Variants in UNC5D observed in about 807,000 individuals in gnomAD.
UNC5D encodes unc-5 netrin receptor D, also known as netrin receptor UNC5D.
UNC5D carries 39 observed loss-of-function variants against 105.4 expected under a neutral mutation model. The observed-to-expected ratio is 0.37, with a 90% CI of 0.29 to 0.48. The LOEUF (loss-of-function observed/expected upper bound fraction) is 0.48. UNC5D is among the 20% of genes least tolerant of loss of function. The pLI is 0.98. For missense variants in UNC5D, 991 were observed against 1,202.4 expected (o/e 0.82, Z 2.60); for synonymous variants, 452 against 450.4 (o/e 1.00, Z -0.04).
At chr8:35,254,660 T>G (rs1344312461) in intron 1 of UNC5D, 1 of 152,230 alleles carries the variant, frequency 6.6e-6, no homozygotes, top group Admixed American at 6.5e-5. Flanking sequence ...TGCTTTCATG[T>G]GCTACTGTCC....
At chr8:35,433,015 T>C (rs559020349) in intron 1 of UNC5D, among the ~76,000 whole-genome samples, 1 of 152,304 alleles carries the variant, frequency 6.6e-6, no homozygotes, top group South Asian at 2.1e-4. Context: ...CATAATTATA[T>C]CCTTAATAAC....
At chr8:35,425,321 G>C (rs1199005715) in intron 1 of UNC5D, among the ~76,000 whole-genome samples, 1 of 152,202 alleles carries the variant, frequency 6.6e-6, no homozygotes, top group Non-Finnish European at 1.5e-5. Flanking sequence ...AACCAAGTCA[G>C]TAAAAAGGCA....
chr8:35,614,000 T>C (rs1327294654), intron 4 of UNC5D, among the ~76,000 whole-genome samples: 1 of 152,238 alleles, frequency 6.6e-6, no homozygotes, highest in East Asian at 1.9e-4. Context: ...TCTTTCTTTG[T>C]CTGTAGAATA....
chr8:35,320,147 A>C (rs1422911888), intron 1 of UNC5D, among the ~76,000 whole-genome samples: 1 of 152,114 alleles, frequency 6.6e-6, no homozygotes, highest in Non-Finnish European at 1.5e-5. Context: ...GACATAAGAC[A>C]TCAATCAGTA....
chr8:35,737,174 A>G (rs1829511792), intron 11 of UNC5D, among the ~76,000 whole-genome samples: 1 of 151,886 alleles, frequency 6.6e-6, no homozygotes, highest in Non-Finnish European at 1.5e-5. Context: ...ATGTTTCTAA[A>G]TCCATTCTCT....
intron 1 of UNC5D, among the ~76,000 whole-genome samples, 157 bp downstream of exon 1, chr8:35,236,044 G>A (rs770696122): frequency 4.8e-4 from 73 of 152,324 alleles, no homozygotes; most frequent in Admixed American, 1.2e-3. Context: ...GGACTCCGAG[G>A]GGACCACAGC....
At chr8:35,263,712 A>G (rs1804643940) in intron 1 of UNC5D, among the ~76,000 whole-genome samples, 1 of 152,276 alleles carries the variant, frequency 6.6e-6, no homozygotes, top group South Asian at 2.1e-4. Flanking sequence ...AGATGACAGA[A>G]TACAAACTGA....
At chr8:35,694,369 A>G (rs1421884989) in intron 7 of UNC5D, among the ~76,000 whole-genome samples, 1 of 152,176 alleles carries the variant, frequency 6.6e-6, no homozygotes, top group Non-Finnish European at 1.5e-5. Context: ...TGAGGTACTC[A>G]AAATGGACAG....
rs1803099094 is a variant in UNC5D at position 35,792,750 on chromosome 8, G to T, written c.*2187G>T. 9 of 284,972 alleles carry T rather than the reference G, an allele frequency of 3.2e-5. No individual in the cohort carries two copies. Among genetic ancestry groups the T allele is most frequent in the South Asian group, 2.9e-4 (9 of 30,972 alleles). 17.7% of individuals were successfully genotyped at this position (284,972 alleles called of 1,614,324 possible). Reference sequence around the variant, plus strand: ...TCTTGGAGGATTTTTGTTTTAAACTGTCTTTAGCATTTTCCCTCTTCCCTT... The same window carrying T: ...TCTTGGAGGATTTTTGTTTTAAACTTTCTTTAGCATTTTCCCTCTTCCCTT... On this transcript the variant is annotated 3_prime_UTR_variant, in exon 17 of 17. Transcript: ENST00000404895.
intron 1 of UNC5D, among the ~76,000 whole-genome samples, chr8:35,360,712 G>A (rs1235778148): frequency 6.6e-6 from 1 of 152,136 alleles, no homozygotes; most frequent in Non-Finnish European, 1.5e-5. Flanking sequence ...ACATATTTTA[G>A]GAGTCTGGGA....
intron 4 of UNC5D, among the ~76,000 whole-genome samples, chr8:35,651,663 C>T (rs1246217994): frequency 6.6e-6 from 1 of 152,162 alleles, no homozygotes; most frequent in Non-Finnish European, 1.5e-5. Context: ...TGAAATGATT[C>T]CTTCACTTCT....
chr8:35,372,568 A>C (rs1424182959), intron 1 of UNC5D, among the ~76,000 whole-genome samples: 1 of 152,136 alleles, frequency 6.6e-6, no homozygotes, highest in Non-Finnish European at 1.5e-5. Flanking sequence ...ATAAGCTTTC[A>C]ATTTCATAAT....
chr8:35,691,184 T>G lies in UNC5D; in HGVS notation c.1084+4475T>G, dbSNP rs185899703. Reference sequence around the variant, plus strand: ...CACAGATGGCCACACCTAGATGCTCTCAACAAGAAAATAAATACGGCTGGC... The same window carrying G: ...CACAGATGGCCACACCTAGATGCTCGCAACAAGAAAATAAATACGGCTGGC... On this transcript the variant is annotated intron_variant, in intron 7 of 16. Transcript: ENST00000404895. Among the ~76,000 whole-genome samples the G allele has an allele frequency of 1.0e-3, 152 of 152,226 alleles. 1 individual carries two copies. Among genetic ancestry groups the G allele is most frequent in the East Asian group, 6.0e-3 (31 of 5,176 alleles).
chr8:35,609,214 A>G (rs1480775542), intron 4 of UNC5D, among the ~76,000 whole-genome samples: 1 of 152,152 alleles, frequency 6.6e-6, no homozygotes, highest in African/African-American at 2.4e-5. Context: ...TTCTTTTGAA[A>G]CATGTATATT....
intron 16 of UNC5D, among the ~76,000 whole-genome samples, chr8:35,785,560 C>T (rs2131795060): frequency 6.6e-6 from 1 of 152,156 alleles, no homozygotes; most frequent in East Asian, 1.9e-4. Flanking sequence ...GGGGTTTCAC[C>T]ATGTTGGCCA....
chr8:35,271,391 A>ACG lies in UNC5D; in HGVS notation c.103+35504_103+35505insCG, dbSNP rs1323253165. On this transcript the variant is annotated intron_variant, in intron 1 of 16. Coordinates refer to ENST00000404895, the MANE Select transcript of UNC5D (RefSeq NM_080872.4). ...CACGTGTGTATGTATATGTACACAC[A>ACG]TGCACGTGTGTATGTATATGTATAC... 2.8e-4 allele frequency among the ~76,000 whole-genome samples: 26 copies of ACG among 94,002 alleles called. No homozygotes were observed. In the East Asian group the frequency reaches 3.3e-3, roughly 12 times the overall value. 61.7% of individuals were successfully genotyped at this position (94,002 alleles called of 152,430 possible). A position where few individuals can be genotyped will look rare whatever the true frequency, so the allele number is the denominator to read the frequency against.
chr8:35,390,780 CA>C (rs1803720230), intron 1 of UNC5D, among the ~76,000 whole-genome samples: 2 of 152,166 alleles, frequency 1.3e-5, no homozygotes, highest in South Asian at 4.1e-4. Flanking sequence ...AACCCAGTTC[CA>C]ACTGACATGT....
At chr8:35,467,176 T>G (rs764871189) in intron 1 of UNC5D, among the ~76,000 whole-genome samples, 1 of 152,198 alleles carries the variant, frequency 6.6e-6, no homozygotes, top group Non-Finnish European at 1.5e-5. Context: ...CAGTTTTTTC[T>G]TAAGACGAAT....
At chr8:35,723,035 A>G (rs1828666130) in intron 9 of UNC5D, among the ~76,000 whole-genome samples, 1 of 152,104 alleles carries the variant, frequency 6.6e-6, no homozygotes, top group African/African-American at 2.4e-5. Flanking sequence ...TAGGAACCAA[A>G]TCTATTCCTT....
Sources: allele counts gnomAD v4.1 joint callset (sites outside exome capture counted in the v4.1 genomes callset), GRCh38; gene constraint gnomAD v4.1.1; transcripts MANE v1.5; gene names NCBI Gene and HGNC (gene_info 2026-07-23, HGNC 2026-07-21).